SOX17: variants seen among roughly 807,000 people sequenced by gnomAD.
The protein encoded by SOX17 is SRY-box transcription factor 17, also known as transcription factor SOX-17.
A neutral mutation model predicts 16.0 loss-of-function variants in SOX17; 4 were observed. The observed-to-expected ratio is 0.25, with a 90% CI of 0.12 to 0.57. The LOEUF is 0.57. Among genes scored for constraint, SOX17 ranks in the 20% least tolerant of loss-of-function variants. The pLI is 0.92. For missense variants in SOX17, 633 were observed against 609.7 expected, an observed-to-expected ratio of 1.04 and a Z score of -0.40; for synonymous variants, 357 against 284.6, an observed-to-expected ratio of 1.25 and a Z score of -2.56.
In SOX17 at chr8:54,459,153, T is replaced by C. The variant is rs2129278074; in HGVS notation, c.403T>C (p.Tyr135His). 6.2e-7 allele frequency: 1 copy of C among 1,606,548 alleles called. No homozygotes were observed. Among genetic ancestry groups the C allele is most frequent in the Non-Finnish European group, 8.5e-7 (1 of 1,177,210 alleles). Residue 135 changes from tyrosine to histidine, a missense_variant, in exon 2 of 2, where the codon TAC (tyrosine) becomes CAC (histidine). Tyr to His is a moderately conservative substitution (Grantham distance 83, BLOSUM62 2). This residue lies in a region of SOX17 where 39 missense variants were observed against 46.5 expected (regional missense o/e 0.84). Transcript: ENST00000297316. ...RVQHMQDHPN[Y>H]KYRPRRRKQV... Reference sequence around the variant, plus strand: ...GCAGCACATGCAGGACCACCCCAACTACAAGTACCGGCCGCGGCGGCGCAA... The same window carrying C: ...GCAGCACATGCAGGACCACCCCAACCACAAGTACCGGCCGCGGCGGCGCAA...
Position 54,457,970 on chromosome 8 carries a change from G to A in SOX17, c.-169G>A, listed in dbSNP as rs922636782. ...TAGGCCGGCTGGGGGCCCTGGGTAC[G>A]CTGTAGACCAGACCGCGACAGGCCA... On this transcript the variant is annotated 5_prime_UTR_variant, in exon 1 of 2. Coordinates refer to ENST00000297316, the MANE Select transcript of SOX17 (RefSeq NM_022454.4). 9 of 789,192 alleles carry A rather than the reference G, an allele frequency of 1.1e-5. No individual in the cohort carries two copies. In the African/African-American group the frequency reaches 1.3e-4, roughly 11 times the overall value. The allele number at this position is 789,192 out of a possible 1,614,324, so 48.9% of individuals were successfully genotyped here. A position where few individuals can be genotyped will look rare whatever the true frequency, so the allele number is the denominator to read the frequency against.
chr8:54,458,681 G>T (rs990847621), intron 1 of SOX17, among the ~76,000 whole-genome samples: 1 of 152,214 alleles, frequency 6.6e-6, no homozygotes, highest in African/African-American at 2.4e-5. Context: ...GGGGGCGCGG[G>T]TCCAACGGCT....
rs566971655 is a variant in SOX17, at chr8:54,459,320, C to T, written c.570C>T (p.Ala190=). The part of the protein sequence containing the change: ...GLQFPEQGFP[A]GPPLLPPHMG... ...AGTTCCCCGAGCAGGGCTTCCCCGCCGGCCCGCCGCTGCTGCCTCCGCACA... is the reference window on the plus strand; with the variant it reads ...AGTTCCCCGAGCAGGGCTTCCCCGCTGGCCCGCCGCTGCTGCCTCCGCACA... The change falls in exon 2 of 2, where the codon GCC becomes GCT. Residue 190 remains alanine (A), a synonymous_variant. Coordinates refer to ENST00000297316, the MANE Select transcript of SOX17 (RefSeq NM_022454.4). 7.2e-6 allele frequency: 11 copies of T among 1,528,518 alleles called. No homozygotes were observed. In the South Asian group the frequency reaches 1.2e-4, roughly 17 times the overall value. The allele number at this position is 1,528,518 out of a possible 1,614,324, so 94.7% of individuals were successfully genotyped here. A position where few individuals can be genotyped will look rare whatever the true frequency, so the allele number is the denominator to read the frequency against.
intron 1 of SOX17, 30 bp from the exon 2 acceptor site, chr8:54,459,028 G>T: frequency 3.2e-6 from 5 of 1,556,466 alleles, no homozygotes; most frequent in South Asian, 1.2e-5. Context: ...TAAGCCCTGC[G>T]CCCCTCTCCC....
Position 54,460,096 on chromosome 8 carries a change from G to T in SOX17, c.*101G>T. 7.6e-7 allele frequency: 1 copy of T among 1,309,356 alleles called. No homozygotes were observed. The highest frequency in any genetic ancestry group is 1.2e-5 in the South Asian group (1 of 83,252). 81.1% of individuals were successfully genotyped at this position (1,309,356 alleles called of 1,614,324 possible). On this transcript the variant is annotated 3_prime_UTR_variant, in exon 2 of 2. Transcript: ENST00000297316. ...AGACTCCTGGGTTTTTGTTGTTGCT[G>T]TTGTTGTTTTTTAAAAGGTGTGTTG...
rs373883191 is a variant in SOX17 at position 54,459,806 on chromosome 8, C to G, written c.1056C>G (p.Ala352=). 4.3e-5 allele frequency: 70 copies of G among 1,611,234 alleles called. No homozygotes were observed. The highest frequency in any genetic ancestry group is 5.7e-5 in the Non-Finnish European group (67 of 1,179,252). Residue 352 remains alanine (A), a synonymous_variant, in exon 2 of 2, where the codon GCC becomes GCG. Coordinates refer to ENST00000297316, the MANE Select transcript of SOX17 (RefSeq NM_022454.4). The part of the protein sequence containing the change: ...CRDGTDPSQP[A]ELLGEVDRTE... ...ACGGCACGGACCCCAGTCAGCCCGC[C>G]GAGCTCCTCGGGGAGGTGGACCGCA...
rs1462923945 is a variant in SOX17 at position 54,460,170 on chromosome 8, G to A, written c.*175G>A. On this transcript the variant is annotated 3_prime_UTR_variant, in exon 2 of 2. Transcript: ENST00000297316. The stretch of plus-strand genomic sequence containing the variant: ...TTTGTCTGCCACTTGAACAGTTTGG[G>A]GGGGTGAGGTTTCATTTAAAATTTG... The A allele has an allele frequency of 1.9e-5, 13 of 674,130 alleles. No individual in the cohort carries two copies. 41.8% of individuals were successfully genotyped at this position (674,130 alleles called of 1,614,324 possible). A position where few individuals can be genotyped will look rare whatever the true frequency, so the allele number is the denominator to read the frequency against.
chr8:54,458,975 TCCAGGTGGGG>T lies in SOX17; in HGVS notation c.308-70_308-61del, dbSNP rs931148333. On this transcript the variant is annotated intron_variant, in intron 1 of 1. Transcript: ENST00000297316. The stretch of plus-strand genomic sequence containing the variant: ...TTCAAAGTCTGAGGGGGGAGGTGCG[TCCAGGTGGGG>T]CCAGGTGGGGCCTGGAGCGGGAGCG... The T allele has an allele frequency of 7.6e-5, 97 of 1,277,356 alleles. No homozygotes were observed. The African/African-American group carries it at 1.4e-3, about 18-fold the overall frequency. The allele number at this position is 1,277,356 out of a possible 1,614,324, so 79.1% of individuals were successfully genotyped here. A position where few individuals can be genotyped will look rare whatever the true frequency, so the allele number is the denominator to read the frequency against.
rs781458615 is a variant in SOX17 at position 54,459,161 on chromosome 8, C to T, written c.411C>T (p.Tyr137=). ...QHMQDHPNYK[Y]RPRRRKQVKR... is the part of the protein sequence containing the mutation. ...TGCAGGACCACCCCAACTACAAGTA[C>T]CGGCCGCGGCGGCGCAAGCAGGTGA... Residue 137 remains tyrosine, a synonymous_variant, in exon 2 of 2, where the codon TAC becomes TAT. Coordinates refer to ENST00000297316, the MANE Select transcript of SOX17 (RefSeq NM_022454.4). 1.9e-6 allele frequency: 3 copies of T among 1,606,108 alleles called. No homozygotes were observed. The highest frequency in any genetic ancestry group is 2.5e-6 in the Non-Finnish European group (3 of 1,177,166).
Position 54,458,033 on chromosome 8 carries a change from A to C in SOX17, c.-106A>C. The C allele has an allele frequency of 7.7e-7, 1 of 1,295,590 alleles. No homozygotes were observed. The highest frequency in any genetic ancestry group is 1.0e-6 in the Non-Finnish European group (1 of 988,812). The allele number at this position is 1,295,590 out of a possible 1,614,324, so 80.3% of individuals were successfully genotyped here. On this transcript the variant is annotated 5_prime_UTR_variant, in exon 1 of 2. Coordinates refer to ENST00000297316, the MANE Select transcript of SOX17 (RefSeq NM_022454.4). The stretch of plus-strand genomic sequence containing the variant: ...CGGCTTCGGGCCGGGAGACCCGCGC[A>C]GCCCTCGGGGCATCTCAGTGCCTCA...
At position 54,459,055 on chromosome 8, in the gene SOX17, C is replaced by T. The variant is rs753548265; in HGVS notation, c.308-3C>T. On this transcript the variant is annotated splice_region_variant and splice_polypyrimidine_tract_variant and intron_variant, in intron 1 of 1. Coordinates refer to ENST00000297316, the MANE Select transcript of SOX17 (RefSeq NM_022454.4). Reference sequence around the variant, plus strand: ...CCCTCTCCCCCTTCCTTCCACTGTGCAGGCAAGTCGTGGAAGGCGCTGACG... The same window carrying T: ...CCCTCTCCCCCTTCCTTCCACTGTGTAGGCAAGTCGTGGAAGGCGCTGACG... 1.2e-5 allele frequency: 19 copies of T among 1,600,166 alleles called. No homozygotes were observed. The highest frequency in any genetic ancestry group is 1.4e-5 in the Non-Finnish European group (17 of 1,174,258).
chr8:54,460,040 C>T lies in SOX17; in HGVS notation c.*45C>T. 7 of 1,598,128 alleles carry T rather than the reference C, an allele frequency of 4.4e-6. No individual in the cohort carries two copies. The highest frequency in any genetic ancestry group is 6.0e-6 in the Non-Finnish European group (7 of 1,166,662). ...AGCCTGCAGGCCAGAAGCAGTGTTACACACTTCCTGGAGGAGCTAAGGAAA... is the reference window on the plus strand; with the variant it reads ...AGCCTGCAGGCCAGAAGCAGTGTTATACACTTCCTGGAGGAGCTAAGGAAA... On this transcript the variant is annotated 3_prime_UTR_variant, in exon 2 of 2. Coordinates refer to ENST00000297316, the MANE Select transcript of SOX17 (RefSeq NM_022454.4).
rs771480978 is a variant in SOX17 at position 54,459,094 on chromosome 8, G to T, written c.344G>T (p.Arg115Leu). The T allele has an allele frequency of 6.2e-7, 1 of 1,608,514 alleles. No individual in the cohort carries two copies. The highest frequency in any genetic ancestry group is 1.1e-5 in the South Asian group (1 of 90,612). Residue 115 changes from arginine to leucine, a missense_variant, in exon 2 of 2, where the codon CGG (arginine) becomes CTG (leucine). This residue lies in a region of SOX17 where 39 missense variants were observed against 46.5 expected (regional missense o/e 0.84). Coordinates refer to ENST00000297316, the MANE Select transcript of SOX17 (RefSeq NM_022454.4). Reference protein sequence around the residue: ...SWKALTLAEKRPFVEEAERLR... With the variant: ...SWKALTLAEKLPFVEEAERLR... The stretch of plus-strand genomic sequence containing the variant: ...AAGGCGCTGACGCTGGCGGAGAAGC[G>T]GCCCTTCGTGGAGGAGGCAGAGCGG...
chr8:54,459,183 G>GTGAAGCGGC lies in SOX17; in HGVS notation c.442_450dup (p.Leu148_Arg150dup). The stretch of plus-strand genomic sequence containing the variant: ...GTACCGGCCGCGGCGGCGCAAGCAG[G>GTGAAGCGGC]TGAAGCGGCTGAAGCGGGTGGAGGG... On this transcript the variant is annotated inframe_insertion, in exon 2 of 2. Coordinates refer to ENST00000297316, the MANE Select transcript of SOX17 (RefSeq NM_022454.4). The GTGAAGCGGC allele has an allele frequency of 6.2e-7, 1 of 1,602,376 alleles. No individual in the cohort carries two copies. Among genetic ancestry groups the GTGAAGCGGC allele is most frequent in the Non-Finnish European group, 8.5e-7 (1 of 1,175,650 alleles).
chr8:54,459,776 C>G lies in SOX17; in HGVS notation c.1026C>G (p.Cys342Trp), dbSNP rs1220524918. Reference sequence around the variant, plus strand: ...CGCCCCCTCCGGAGGCACTGCCCTGCCGGGACGGCACGGACCCCAGTCAGC... The same window carrying G: ...CGCCCCCTCCGGAGGCACTGCCCTGGCGGGACGGCACGGACCCCAGTCAGC... ...QPSPPPEALP[C>W]RDGTDPSQPA... The change falls in exon 2 of 2, where the codon TGC (cysteine) becomes TGG (tryptophan). Residue 342 changes from cysteine to tryptophan, a missense_variant. This residue lies in a region of SOX17 where 479 missense variants were observed against 397.2 expected (regional missense o/e 1.21). Transcript: ENST00000297316. The G allele has an allele frequency of 6.3e-7, 1 of 1,597,592 alleles. No homozygotes were observed. The highest frequency in any genetic ancestry group is 1.1e-5 in the South Asian group (1 of 89,124).
Position 54,459,465 on chromosome 8 carries a change from G to T in SOX17, c.715G>T (p.Ala239Ser). 1 of 1,521,746 alleles carries T rather than the reference G, an allele frequency of 6.6e-7. No individual in the cohort carries two copies. The highest frequency in any genetic ancestry group is 1.2e-5 in the South Asian group (1 of 82,648). The allele number at this position is 1,521,746 out of a possible 1,614,324, so 94.3% of individuals were successfully genotyped here. ...GVDPDPAFFAAPMPGDCPAAG... is the reference protein window; with the variant it reads ...GVDPDPAFFASPMPGDCPAAG... ...GGACCCCGACCCGGCTTTCTTCGCC[G>T]CCCCGATGCCCGGGGACTGCCCGGC... The change falls in exon 2 of 2, where the codon GCC (alanine) becomes TCC (serine). Residue 239 changes from alanine (A) to serine (S), a missense_variant. Ala to Ser is a moderately conservative substitution (Grantham distance 99). Transcript: ENST00000297316.
rs1417246853 is a variant in SOX17 at position 54,457,958 on chromosome 8, G to A, written c.-181G>A. 7 of 701,382 alleles carry A rather than the reference G, an allele frequency of 1.0e-5. No individual in the cohort carries two copies. Among genetic ancestry groups the A allele is most frequent in the Non-Finnish European group, 1.3e-5 (6 of 464,890 alleles). The allele number at this position is 701,382 out of a possible 1,614,324, so 43.4% of individuals were successfully genotyped here. A position where few individuals can be genotyped will look rare whatever the true frequency, so the allele number is the denominator to read the frequency against. On this transcript the variant is annotated 5_prime_UTR_variant, in exon 1 of 2. Transcript: ENST00000297316. Reference sequence around the variant, plus strand: ...CCGCAGTGTCACTAGGCCGGCTGGGGGCCCTGGGTACGCTGTAGACCAGAC... The same window carrying A: ...CCGCAGTGTCACTAGGCCGGCTGGGAGCCCTGGGTACGCTGTAGACCAGAC...
rs1384874688 is a variant in SOX17 at position 54,459,514 on chromosome 8, A to C, written c.764A>C (p.Gln255Pro). Residue 255 changes from glutamine (Q) to proline (P), a missense_variant, in exon 2 of 2, where the codon CAG becomes CCG. By Grantham distance (76) the Gln-to-Pro change is moderately conservative. Around this residue, in one of 5 missense-constraint regions of SOX17, gnomAD observed 479 missense variants for 397.2 expected, o/e 1.21. Coordinates refer to ENST00000297316, the MANE Select transcript of SOX17 (RefSeq NM_022454.4). ...CPAAGTYSYA[Q>P]VSDYAGPPEP... ...GCGGCCGGCACCTACAGCTACGCGC[A>C]GGTCTCGGACTACGCTGGCCCCCCG... 6.5e-7 allele frequency: 1 copy of C among 1,528,060 alleles called. No homozygotes were observed. The highest frequency in any genetic ancestry group is 2.0e-5 in the Admixed American group (1 of 50,656). The allele number at this position is 1,528,060 out of a possible 1,614,324, so 94.7% of individuals were successfully genotyped here.
chr8:54,459,697 A>G lies in SOX17; in HGVS notation c.947A>G (p.Gln316Arg). 1.9e-6 allele frequency: 3 copies of G among 1,542,978 alleles called. No homozygotes were observed. Among genetic ancestry groups the G allele is most frequent in the South Asian group, 1.2e-5 (1 of 84,680 alleles). Residue 316 changes from glutamine (Q) to arginine (R), a missense_variant, in exon 2 of 2, where the codon CAA (glutamine) becomes CGA (arginine). This residue lies in a region of SOX17 where 479 missense variants were observed against 397.2 expected (regional missense o/e 1.21). Transcript: ENST00000297316. ...GGGCGCGGCTTCCAGATGCAGCCGC[A>G]ACACCAGCACCAGCACCAGCACCAG... ...GGGRGFQMQP[Q>R]HQHQHQHQHH... is the part of the protein sequence containing the mutation.
Sources: allele counts gnomAD v4.1 joint callset (sites outside exome capture counted in the v4.1 genomes callset), GRCh38; gene constraint gnomAD v4.1.1; regional missense constraint gnomAD v4.1.1; transcripts MANE v1.5; gene names NCBI Gene and HGNC (gene_info 2026-07-23, HGNC 2026-07-21).